Variants in PLD5 observed in about 807,000 individuals in gnomAD.
The protein encoded by PLD5 is phospholipase D family member 5.
PLD5 carries 36 observed loss-of-function variants against 61.1 expected under a neutral mutation model. That is an observed-to-expected ratio of 0.59 (90% CI 0.45 to 0.78). The LOEUF (loss-of-function observed/expected upper bound fraction) is 0.78. PLD5 is among the 30% of genes least tolerant of loss of function. The probability of loss-of-function intolerance (pLI) is 0.00; values close to 1 mark genes in which losing one functional copy is unlikely to be tolerated. For missense variants in PLD5, 515 were observed against 644.4 expected (o/e 0.80, Z 2.17); for synonymous variants, 243 against 242.8 (o/e 1.00, Z -0.01).
chr1:242,220,749 A>G (rs1574547706), intron 4 of PLD5, among the ~76,000 whole-genome samples: 1 of 116,364 alleles, frequency 8.6e-6, no homozygotes, highest in Non-Finnish European at 1.8e-5. Flanking sequence ...ATTTTATTTT[A>G]TTTTTGAGAC....
chr1:242,404,828 T>C (rs1319713424), intron 1 of PLD5, among the ~76,000 whole-genome samples: 1 of 151,322 alleles, frequency 6.6e-6, no homozygotes, highest in African/African-American at 2.4e-5. Flanking sequence ...TATCTGATTA[T>C]TGCAATTGCT....
chr1:242,383,408 C>A (rs1231688265), intron 1 of PLD5, among the ~76,000 whole-genome samples: 1 of 151,888 alleles, frequency 6.6e-6, no homozygotes, highest in African/African-American at 2.4e-5. Flanking sequence ...ATCAAAACCC[C>A]TTTTCTCTTT....
chr1:242,242,118 T>C (rs1202306644), intron 4 of PLD5, among the ~76,000 whole-genome samples: 4 of 151,308 alleles, frequency 2.6e-5, no homozygotes, highest in African/African-American at 9.7e-5. Flanking sequence ...GATCAAGTCA[T>C]TTCCGTCAGT....
intron 5 of PLD5, among the ~76,000 whole-genome samples, chr1:242,179,520 A>G (rs892506651): frequency 3.3e-5 from 5 of 152,090 alleles, no homozygotes; most frequent in Non-Finnish European, 7.3e-5. Context: ...ATGCTGTGTT[A>G]CCCTTGTCTT....
At chr1:242,431,075 C>T (rs564538760) in intron 1 of PLD5, among the ~76,000 whole-genome samples, 55 of 152,284 alleles carry the variant, frequency 3.6e-4, no homozygotes, top group African/African-American at 9.9e-4. Flanking sequence ...GTGAAATACA[C>T]ATAACATAAA....
intron 4 of PLD5, among the ~76,000 whole-genome samples, chr1:242,252,167 T>C (rs1367901327): frequency 2.6e-5 from 4 of 152,048 alleles, no homozygotes; most frequent in Non-Finnish European, 4.4e-5. Context: ...AGATAAAATA[T>C]AGTATGGGAA....
At chr1:242,116,149 A>G (rs1329044687) in intron 6 of PLD5, among the ~76,000 whole-genome samples, 1 of 152,194 alleles carries the variant, frequency 6.6e-6, no homozygotes, top group Non-Finnish European at 1.5e-5. Context: ...AACTGCCTGG[A>G]ATGAATGGTA....
chr1:242,307,362 G>GTGATGA (rs71176746), intron 2 of PLD5, among the ~76,000 whole-genome samples: 10 of 149,234 alleles, frequency 6.7e-5, no homozygotes, highest in African/African-American at 2.5e-4. Context: ...GATGATGATG[G>GTGATGA]TGATGATGAT....
At chr1:242,170,933 G>C (rs1300923268) in intron 5 of PLD5, among the ~76,000 whole-genome samples, 2 of 152,196 alleles carry the variant, frequency 1.3e-5, no homozygotes, top group Non-Finnish European at 2.9e-5. Context: ...ACCTGAAAGT[G>C]ACAGGGAGAA....
intron 6 of PLD5, among the ~76,000 whole-genome samples, chr1:242,118,994 T>A (rs2148718464): frequency 6.6e-6 from 1 of 152,316 alleles, no homozygotes; most frequent in African/African-American, 2.4e-5. Context: ...CTGAATTAAT[T>A]TTCCGAGCCT....
At chr1:242,196,557 CATAT>C (rs978213615) in intron 5 of PLD5, among the ~76,000 whole-genome samples, 2 of 152,172 alleles carry the variant, frequency 1.3e-5, no homozygotes, top group Admixed American at 1.3e-4. Context: ...TATATACACA[CATAT>C]ATAAATGCAT....
chr1:242,304,052 C>G (rs1234083317), intron 2 of PLD5, among the ~76,000 whole-genome samples: 1 of 152,142 alleles, frequency 6.6e-6, no homozygotes, highest in African/African-American at 2.4e-5. Flanking sequence ...TGATGCTTAT[C>G]TGGGGTAAAT....
intron 1 of PLD5, among the ~76,000 whole-genome samples, chr1:242,481,553 G>A (rs1173135463): frequency 1.3e-5 from 2 of 152,254 alleles, no homozygotes; most frequent in Non-Finnish European, 2.9e-5. Flanking sequence ...GGTAAACAAA[G>A]CAGCTGGGAA....
chr1:242,429,311 A>G (rs1665593248), intron 1 of PLD5, among the ~76,000 whole-genome samples: 1 of 152,246 alleles, frequency 6.6e-6, no homozygotes, highest in African/African-American at 2.4e-5. Flanking sequence ...ATGCAAGCTT[A>G]CCGGGAATAA....
chr1:242,331,524 G>C (rs1473885444), intron 2 of PLD5, among the ~76,000 whole-genome samples: 7 of 73,078 alleles, frequency 9.6e-5, no homozygotes, highest in Non-Finnish European at 2.2e-4. Flanking sequence ...CTCTGGAAGG[G>C]ACCTTCTAAC....
chr1:242,133,292 G>A (rs1415026438), intron 5 of PLD5, among the ~76,000 whole-genome samples: 2 of 152,136 alleles, frequency 1.3e-5, no homozygotes, highest in Non-Finnish European at 2.9e-5. Flanking sequence ...CAGACTGGTT[G>A]TGGGCCACTA....
chr1:242,474,604 C>T (rs916996435), intron 1 of PLD5, among the ~76,000 whole-genome samples: 5 of 152,188 alleles, frequency 3.3e-5, no homozygotes, highest in African/African-American at 4.8e-5. Context: ...CTTCCAAATA[C>T]AGAACTGATT....
chr1:242,385,070 A>C (rs1035671232), intron 1 of PLD5, among the ~76,000 whole-genome samples: 2 of 152,258 alleles, frequency 1.3e-5, no homozygotes, highest in African/African-American at 4.8e-5. Flanking sequence ...GAATCAGTTT[A>C]AAATCACCAA....
chr1:242,389,865 A>G (rs549049704), intron 1 of PLD5, among the ~76,000 whole-genome samples: 96 of 152,192 alleles, frequency 6.3e-4, no homozygotes, highest in African/African-American at 2.1e-3. Flanking sequence ...ATAGGCTACC[A>G]TTCTTTTTTA....
Sources: allele counts gnomAD v4.1 joint callset (sites outside exome capture counted in the v4.1 genomes callset), GRCh38; gene constraint gnomAD v4.1.1; transcripts MANE v1.5; gene names NCBI Gene and HGNC (gene_info 2026-07-23, HGNC 2026-07-21).